The following PREX2 variants were observed in gnomAD, a reference collection of about 807,000 sequenced individuals.
PREX2 encodes phosphatidylinositol-3,4,5-trisphosphate dependent Rac exchange factor 2, also known as phosphatidylinositol 3,4,5-trisphosphate-dependent Rac exchanger 2 protein.
PREX2 carries 107 observed loss-of-function variants against 203.2 expected under a neutral mutation model. That is an observed-to-expected ratio of 0.53 (90% confidence interval 0.45 to 0.62). The LOEUF (loss-of-function observed/expected upper bound fraction) is 0.62. Ranked by LOEUF, PREX2 falls within the 20% of genes least tolerant of loss-of-function variation. PREX2 has a pLI of 0.00. For missense variants in PREX2, 1,777 were observed against 1,955.9 expected (o/e 0.91, Z 1.72); for synonymous variants, 672 against 663.6 (o/e 1.01, Z -0.19).
At position 68,098,936 on chromosome 8, in the gene PREX2, GTGTATATATATA is replaced by G. The variant is rs1286976276; in HGVS notation, c.2554-744_2554-733del. 8.8e-3 allele frequency among the ~76,000 whole-genome samples: 662 copies of G among 74,854 alleles called. 12 individuals are homozygous for G. Among genetic ancestry groups the G allele is most frequent in the African/African-American group, 0.032 (639 of 20,184 alleles). The allele number at this position is 74,854 out of a possible 152,430, so 49.1% of individuals were successfully genotyped here. A position where few individuals can be genotyped will look rare whatever the true frequency, so the allele number is the denominator to read the frequency against. On this transcript the variant is annotated intron_variant, in intron 22 of 39. Transcript: ENST00000288368. ...TTAATCAGAAATGCTACATATATAT[GTGTATATATATA>G]TATATATATATATATATATATATAT...
intron 35 of PREX2, among the ~76,000 whole-genome samples, chr8:68,164,394 ACT>A (rs1295457220): frequency 2.0e-5 from 3 of 151,394 alleles, no homozygotes; most frequent in African/African-American, 7.3e-5. Context: ...ATACACACAC[ACT>A]ATATATATTA....
intron 33 of PREX2, among the ~76,000 whole-genome samples, chr8:68,141,897 G>A (rs931717862): frequency 7.9e-5 from 12 of 151,990 alleles, no homozygotes; most frequent in Non-Finnish European, 1.0e-4. Flanking sequence ...GTTTTTTATA[G>A]CTAATAAATT....
At chr8:68,087,648 A>G (rs1437704363) in intron 18 of PREX2, 76 bp from the exon 19 acceptor site, 1 of 1,039,572 alleles carries the variant, frequency 9.6e-7, no homozygotes, top group South Asian at 1.3e-5. Context: ...TGAGAGGTGT[A>G]AAGCTGTACA....
chr8:68,073,086 G>C (rs1369357409), intron 14 of PREX2, among the ~76,000 whole-genome samples: 1 of 151,738 alleles, frequency 6.6e-6, no homozygotes, highest in African/African-American at 2.4e-5. Context: ...CTAGAATTGA[G>C]AAAATGTCAT....
intron 10 of PREX2, among the ~76,000 whole-genome samples, chr8:68,056,787 T>C (rs1053782565): frequency 1.3e-5 from 2 of 152,214 alleles, no homozygotes; most frequent in Middle Eastern, 3.2e-3. Context: ...GTTTATAAAG[T>C]AGACTGGAGT....
intron 23 of PREX2, among the ~76,000 whole-genome samples, chr8:68,102,256 G>GA (rs1342182307): frequency 3.3e-5 from 5 of 152,310 alleles, no homozygotes; most frequent in African/African-American, 1.2e-4. Flanking sequence ...GCAACTAACA[G>GA]ACTAGGTTCC....
intron 37 of PREX2, among the ~76,000 whole-genome samples, chr8:68,199,625 CAGTTTTTATTTCAAATGAAG>C (rs1426994555): frequency 3.9e-5 from 6 of 152,172 alleles, no homozygotes; most frequent in Non-Finnish European, 8.8e-5. Flanking sequence ...GTTAATGGAA[CAGTTTTTATTTCAAATGAAG>C]ATGAACAGTA....
At chr8:67,993,456 G>C (rs1806670713) in intron 1 of PREX2, among the ~76,000 whole-genome samples, 1 of 149,840 alleles carries the variant, frequency 6.7e-6, no homozygotes, top group African/African-American at 2.5e-5. Context: ...GCCCAGACTG[G>C]AGTACAGTGG....
Position 68,017,928 on chromosome 8 carries a change from AC to A in PREX2, c.213+12del, listed in dbSNP as rs749692093. 8.7e-6 allele frequency: 14 copies of A among 1,606,150 alleles called. No individual in the cohort carries two copies. The South Asian group carries it at 1.6e-4, about 18-fold the overall frequency. Reference sequence around the variant, plus strand: ...GAAGAAACAGTGAAGGTGAGGAGGTACAACTGGCCTTCAACCTGAGCATGAG... The same window carrying A: ...GAAGAAACAGTGAAGGTGAGGAGGTAAACTGGCCTTCAACCTGAGCATGAG... On this transcript the variant is annotated intron_variant, in intron 2 of 39. Coordinates refer to ENST00000288368, the MANE Select transcript of PREX2 (RefSeq NM_024870.4).
At chr8:67,998,333 C>T (rs1806830575) in intron 1 of PREX2, among the ~76,000 whole-genome samples, 1 of 152,166 alleles carries the variant, frequency 6.6e-6, no homozygotes, top group South Asian at 2.1e-4. Context: ...TCTGTGTGCC[C>T]CATGGGGGAC....
At chr8:67,953,378 A>G (rs1242709902) in intron 1 of PREX2, among the ~76,000 whole-genome samples, 1 of 152,104 alleles carries the variant, frequency 6.6e-6, no homozygotes, top group Non-Finnish European at 1.5e-5. Context: ...AAACTGAGTG[A>G]AAGTAACTGC....
At chr8:68,094,026 G>A (rs1274741308) in intron 21 of PREX2, among the ~76,000 whole-genome samples, 2 of 152,184 alleles carry the variant, frequency 1.3e-5, no homozygotes, top group African/African-American at 2.4e-5. Context: ...GCCTATATAG[G>A]TTAAGGGACT....
At chr8:68,040,960 T>C (rs550017709) in intron 7 of PREX2, among the ~76,000 whole-genome samples, 69 of 152,346 alleles carry the variant, frequency 4.5e-4, no homozygotes, top group African/African-American at 1.5e-3. Flanking sequence ...ACTTTTTTCT[T>C]GAGAATGTTC....
chr8:68,053,042 A>G, intron 8 of PREX2, 55 bp from the exon 9 acceptor site: 1 of 1,490,506 alleles, frequency 6.7e-7, no homozygotes, highest in Non-Finnish European at 9.2e-7. Context: ...TAGTGTGGAT[A>G]TAATAATATT....
chr8:68,013,415 G>T (rs901036158), intron 1 of PREX2, among the ~76,000 whole-genome samples: 1 of 152,098 alleles, frequency 6.6e-6, no homozygotes, highest in African/African-American at 2.4e-5. Context: ...CCCTGCTCAT[G>T]ATTTCCACAC....
chr8:67,967,664 G>T (rs1321216945), intron 1 of PREX2, among the ~76,000 whole-genome samples: 1 of 152,224 alleles, frequency 6.6e-6, no homozygotes, highest in Non-Finnish European at 1.5e-5. Context: ...TGAATGTGCA[G>T]CAGGCTCTAA....
chr8:68,068,442 A>G (rs1809084314), intron 11 of PREX2, among the ~76,000 whole-genome samples: 1 of 152,122 alleles, frequency 6.6e-6, no homozygotes, highest in African/African-American at 2.4e-5. Context: ...TCTTAATGTA[A>G]GAACAGTTAC....
chr8:68,002,088 TAAA>T (rs35621636), intron 1 of PREX2, among the ~76,000 whole-genome samples: 1 of 146,618 alleles, frequency 6.8e-6, no homozygotes, highest in African/African-American at 2.5e-5. Flanking sequence ...AAAATAAACT[TAAA>T]AAAAAAAGAA....
intron 35 of PREX2, among the ~76,000 whole-genome samples, chr8:68,164,237 G>C (rs1196686262): frequency 2.6e-5 from 4 of 152,040 alleles, no homozygotes; most frequent in Non-Finnish European, 5.9e-5. Context: ...TTTTAAGAAA[G>C]AAAGTAAGCA....
Sources: allele counts gnomAD v4.1 joint callset (sites outside exome capture counted in the v4.1 genomes callset), GRCh38; gene constraint gnomAD v4.1.1; transcripts MANE v1.5; gene names NCBI Gene and HGNC (gene_info 2026-07-23, HGNC 2026-07-21).